The following SPTB variants were observed in gnomAD, a reference collection of about 807,000 sequenced individuals.
SPTB encodes spectrin beta chain, erythrocytic.
In SPTB, 45 loss-of-function variants were observed where a neutral mutation model predicts 256.2. The observed-to-expected ratio is 0.18, with a 90% CI of 0.14 to 0.23. The LOEUF (loss-of-function observed/expected upper bound fraction) is 0.23. Among genes scored for constraint, SPTB ranks in the 10% least tolerant of loss-of-function variants. The probability of loss-of-function intolerance (pLI) is 1.00; values close to 1 mark genes in which losing one functional copy is unlikely to be tolerated. For missense variants in SPTB, 2,715 were observed against 3,040.4 expected, an observed-to-expected ratio of 0.89 and a Z score of 2.52; for synonymous variants, 1,231 against 1,243.1, an observed-to-expected ratio of 0.99 and a Z score of 0.21.
rs894929658 is a variant in SPTB, at chr14:64,769,722, G to C, written c.5805C>G (p.Val1935=). 1 of 1,614,056 alleles carries C rather than the reference G, an allele frequency of 6.2e-7. No homozygotes were observed. The change falls in exon 28 of 36, where the codon GTC becomes GTG. Residue 1935 remains valine, a synonymous_variant. Coordinates refer to ENST00000644917, the MANE Select transcript of SPTB (RefSeq NM_001355436.2). ...ACTTCATGAGCAGTTCCACAGAGGA[G>C]ACATCCCTGGGGGACAGGAGGACAA... The part of the protein sequence containing the change: ...QIETQERPRD[V]SSVELLMKYH...
At chr14:64,808,541 T>C (rs433143) in intron 2 of SPTB, among the ~76,000 whole-genome samples, 64,648 of 151,870 alleles carry the variant, frequency 0.43, 14,938 homozygotes, top group African/African-American at 0.62. Context: ...TAAGTGAGTT[T>C]GTACATGGAA....
rs527424107 is a variant in SPTB at position 64,847,059 on chromosome 14, T to C, written c.-51-23914A>G. Among the ~76,000 whole-genome samples the C allele has an allele frequency of 1.3e-5, 2 of 152,306 alleles. No homozygotes were observed. Among genetic ancestry groups the C allele is most frequent in the Non-Finnish European group, 2.9e-5 (2 of 68,026 alleles). ...CCATCCTCATGTTTCTCAACAGTCATAAAAGCCCCTTGTCTATGTGTAGCT... is the reference window on the plus strand; with the variant it reads ...CCATCCTCATGTTTCTCAACAGTCACAAAAGCCCCTTGTCTATGTGTAGCT... On this transcript the variant is annotated intron_variant, in intron 1 of 35. Coordinates refer to ENST00000644917, the MANE Select transcript of SPTB (RefSeq NM_001355436.2). This position sits in a 1 kb window ranked among gnomAD's most constrained non-coding sequence, Gnocchi z 5.9.
Position 64,786,282 on chromosome 14 carries a change from G to A in SPTB, c.3561+122C>T, listed in dbSNP as rs2082566528. The stretch of plus-strand genomic sequence containing the variant: ...TGAGAAACAAAGATTTCCCCCATGA[G>A]TGAATACAGAGTACAAGACAAGAGT... On this transcript the variant is annotated intron_variant, in intron 16 of 35. Transcript: ENST00000644917. The surrounding 1 kb of genome is among the most constrained non-coding windows in gnomAD (Gnocchi z 5.6). The A allele has an allele frequency of 1.5e-6, 2 of 1,356,380 alleles. No homozygotes were observed. The highest frequency in any genetic ancestry group is 2.3e-5 in the East Asian group (1 of 43,732). The allele number at this position is 1,356,380 out of a possible 1,614,324, so 84.0% of individuals were successfully genotyped here. A position where few individuals can be genotyped will look rare whatever the true frequency, so the allele number is the denominator to read the frequency against.
intron 27 of SPTB, 53 bp from the exon 28 acceptor site, chr14:64,769,781 C>T (rs2082250584): frequency 2.5e-6 from 4 of 1,612,354 alleles, no homozygotes; most frequent in Non-Finnish European, 3.4e-6. Flanking sequence ...CTCTGGCCTG[C>T]CTCTGTGTCC....
At chr14:64,840,512 T>C (rs2066405709) in intron 1 of SPTB, among the ~76,000 whole-genome samples, 1 of 152,224 alleles carries the variant, frequency 6.6e-6, no homozygotes, top group Admixed American at 6.5e-5. Context: ...CCAGAAATCA[T>C]GTAAGATGCA....
At position 64,796,531 on chromosome 14, in the gene SPTB, G is replaced by A. The variant is rs775286309; in HGVS notation, c.1341+26C>T. 1.2e-6 allele frequency: 2 copies of A among 1,614,020 alleles called. No homozygotes were observed. The highest frequency in any genetic ancestry group is 4.5e-5 in the East Asian group (2 of 44,878). On this transcript the variant is annotated intron_variant, in intron 11 of 35. Transcript: ENST00000644917. The surrounding 1 kb of genome is among the most constrained non-coding windows in gnomAD (Gnocchi z 4.1). ...GGCTCTGAAGAATGTCCCCTCTCCT[G>A]TCACCCAAAGCATGTCCCTCATTAC...
chr14:64,796,419 C>T lies in SPTB; in HGVS notation c.1341+138G>A. The T allele has an allele frequency of 4.5e-6, 5 of 1,121,324 alleles. No homozygotes were observed. Among genetic ancestry groups the T allele is most frequent in the Non-Finnish European group, 5.3e-6 (4 of 754,982 alleles). 69.5% of individuals were successfully genotyped at this position (1,121,324 alleles called of 1,614,324 possible). A position where few individuals can be genotyped will look rare whatever the true frequency, so the allele number is the denominator to read the frequency against. Reference sequence around the variant, plus strand: ...CTCCTCCCCAGATGCAAATCTTGATCCACTGGATCACGGGGGAGCTGTGCT... The same window carrying T: ...CTCCTCCCCAGATGCAAATCTTGATTCACTGGATCACGGGGGAGCTGTGCT... On this transcript the variant is annotated intron_variant, in intron 11 of 35. Coordinates refer to ENST00000644917, the MANE Select transcript of SPTB (RefSeq NM_001355436.2). This position sits in a 1 kb window ranked among gnomAD's most constrained non-coding sequence, Gnocchi z 4.1.
In SPTB at chr14:64,803,706, C is replaced by T. The variant is rs2082931134; in HGVS notation, c.375G>A (p.Glu125=). The stretch of plus-strand genomic sequence containing the variant: ...CCATGTTCTCCAGGTGTACACGCTG[C>T]TCCTTGAGGAACTGGAGAGCCTTGT... The part of the protein sequence containing the change: ...NVDKALQFLK[E]QRVHLENMGS... Residue 125 remains glutamate, a synonymous_variant, in exon 4 of 36, where the codon GAG becomes GAA. Coordinates refer to ENST00000644917, the MANE Select transcript of SPTB (RefSeq NM_001355436.2). 6.2e-7 allele frequency: 1 copy of T among 1,614,178 alleles called. No individual in the cohort carries two copies. The highest frequency in any genetic ancestry group is 8.5e-7 in the Non-Finnish European group (1 of 1,180,016).
Position 64,793,876 on chromosome 14 carries a change from A to C in SPTB, c.1796-9T>G, listed in dbSNP as rs761091933. 7.6e-6 allele frequency: 12 copies of C among 1,589,380 alleles called. No individual in the cohort carries two copies. Among genetic ancestry groups the C allele is most frequent in the Non-Finnish European group, 9.4e-6 (11 of 1,171,754 alleles). ...GTCACAAGGCTGGTACCCTGGAAGA[A>C]ATAGGGGGAAGGAGGACAAAGTGGG... On this transcript the variant is annotated splice_polypyrimidine_tract_variant and intron_variant, in intron 13 of 35. Coordinates refer to ENST00000644917, the MANE Select transcript of SPTB (RefSeq NM_001355436.2). This position sits in a 1 kb window ranked among gnomAD's most constrained non-coding sequence, Gnocchi z 7.0.
In SPTB at chr14:64,753,649, C is replaced by T; in HGVS notation, c.6490G>A (p.Asp2164Asn). The part of the protein sequence containing the change: ...KVLDTPLSEG[D>N]EPATLPAPRD... ...GGGGCCGGCAGCGTTGCGGGCTCAT[C>T]ACCCTCGCTCAGAGGCGTATCTAGG... The change falls in exon 33 of 36, where the codon GAT becomes AAT. Residue 2164 changes from aspartate (D) to asparagine (N), a missense_variant. By Grantham distance (23) the Asp-to-Asn change is conservative. Around this residue, in one of 4 missense-constraint regions of SPTB, gnomAD observed 2,239 missense variants for 2,384.4 expected, o/e 0.94. Coordinates refer to ENST00000644917, the MANE Select transcript of SPTB (RefSeq NM_001355436.2). The T allele has an allele frequency of 6.2e-7, 1 of 1,613,740 alleles. No homozygotes were observed. Among genetic ancestry groups the T allele is most frequent in the Non-Finnish European group, 8.5e-7 (1 of 1,180,038 alleles).
At chr14:64,787,296 A>C in intron 15 of SPTB, 136 bp from the exon 16 acceptor site, 1 of 1,200,928 alleles carries the variant, frequency 8.3e-7, no homozygotes, top group Non-Finnish European at 1.2e-6. Context: ...AAGAAAAAAA[A>C]AAATCTACCT....
At position 64,865,640 on chromosome 14, in the gene SPTB, C is replaced by T. The variant is rs1360001578; in HGVS notation, c.-52+14152G>A. Among the ~76,000 whole-genome samples, 15 of 152,288 alleles carry T rather than the reference C, an allele frequency of 9.8e-5. No homozygotes were observed. In the East Asian group the frequency reaches 2.7e-3, roughly 27 times the overall value. On this transcript the variant is annotated intron_variant, in intron 1 of 35. Transcript: ENST00000644917. The stretch of plus-strand genomic sequence containing the variant: ...CTCTACCATGCACCCACTGGGCTCA[C>T]CAGCGACCATGGTAAGAAGGGCCTG...
chr14:64,779,928 C>G lies in SPTB; in HGVS notation c.4270G>C (p.Val1424Leu). The G allele has an allele frequency of 6.2e-7, 1 of 1,613,802 alleles. No homozygotes were observed. The highest frequency in any genetic ancestry group is 1.1e-5 in the South Asian group (1 of 91,078). ...VNRMLAKLKR[V>L]EDQVNVRKEE... ...TTTCGCACATTCACTTGGTCCTCCA[C>G]TCGCTGAGACACAAGGGGACGGTGT... Residue 1424 changes from valine (V) to leucine (L), a missense_variant, in exon 21 of 36, where the codon GTG becomes CTG. Transcript: ENST00000644917. This position sits in a 1 kb window ranked among gnomAD's most constrained non-coding sequence, Gnocchi z 4.2.
rs1036936614 is a variant in SPTB at position 64,777,405 on chromosome 14, G to A, written c.4563+1752C>T. ...ATGCAGCTAGGGGCCTACCCCCAGA[G>A]ATCCTAATTGATCTGAGGTGAGACC... is the stretch of plus-strand genomic sequence containing the variant. On this transcript the variant is annotated intron_variant, in intron 22 of 35. Transcript: ENST00000644917. The surrounding 1 kb of genome is among the most constrained non-coding windows in gnomAD (Gnocchi z 4.5). 6.6e-6 allele frequency among the ~76,000 whole-genome samples: 1 copy of A among 152,204 alleles called. No homozygotes were observed. The highest frequency in any genetic ancestry group is 1.5e-5 in the Non-Finnish European group (1 of 68,026).
In SPTB at chr14:64,786,092, A is replaced by C; in HGVS notation, c.3562-141T>G. The C allele has an allele frequency of 7.8e-6, 7 of 895,574 alleles. No individual in the cohort carries two copies. The highest frequency in any genetic ancestry group is 1.4e-5 in the South Asian group (1 of 69,966). 55.5% of individuals were successfully genotyped at this position (895,574 alleles called of 1,614,324 possible). A position where few individuals can be genotyped will look rare whatever the true frequency, so the allele number is the denominator to read the frequency against. On this transcript the variant is annotated intron_variant, in intron 16 of 35. Transcript: ENST00000644917. The surrounding 1 kb of genome is among the most constrained non-coding windows in gnomAD (Gnocchi z 5.6). ...TAGAGTAGTACAGGGAGGAGGCACT[A>C]CTCCCCAGGCCTTGCCCCCACCCCT...
At position 64,775,317 on chromosome 14, in the gene SPTB, G is replaced by T; in HGVS notation, c.4650C>A (p.Ile1550=). Residue 1550 remains isoleucine (I), a synonymous_variant, in exon 23 of 36, where the codon ATC becomes ATA. Transcript: ENST00000644917. The surrounding 1 kb of genome is among the most constrained non-coding windows in gnomAD (Gnocchi z 5.0). ...RGQQLVEAAE[I]DCQDLEERLG... is the part of the protein sequence containing the mutation. ...GGCGCTCCTCAAGGTCCTGGCAGTCGATCTCCGCCGCCTCCACCAGCTGCT... is the reference window on the plus strand; with the variant it reads ...GGCGCTCCTCAAGGTCCTGGCAGTCTATCTCCGCCGCCTCCACCAGCTGCT... The T allele has an allele frequency of 6.2e-7, 1 of 1,613,088 alleles. No individual in the cohort carries two copies. Among genetic ancestry groups the T allele is most frequent in the African/African-American group, 1.3e-5 (1 of 75,018 alleles).
chr14:64,861,777 C>T (rs1005721709), intron 1 of SPTB, among the ~76,000 whole-genome samples: 4 of 152,206 alleles, frequency 2.6e-5, no homozygotes, highest in Admixed American at 6.5e-5. Context: ...CATGCCTCCA[C>T]GAAAATTGCT....
intron 8 of SPTB, among the ~76,000 whole-genome samples, chr14:64,800,136 T>C (rs1194028512): frequency 6.6e-6 from 1 of 152,248 alleles, no homozygotes; most frequent in Non-Finnish European, 1.5e-5. Flanking sequence ...GGCCCTCCTC[T>C]TGCCAATCGG....
intron 32 of SPTB, 177 bp from the exon 33 acceptor site, chr14:64,753,970 T>C: frequency 1.3e-6 from 1 of 784,740 alleles, no homozygotes; most frequent in South Asian, 1.5e-5. Context: ...GGTGCCCCCT[T>C]GCTTCTCTAC....
Sources: gnomAD v4.1 joint callset for allele counts (sites outside exome capture counted in the v4.1 genomes callset) on GRCh38, gnomAD v4.1.1 for gene constraint, gnomAD v4.1.1 regional missense constraint, Gnocchi (gnomAD v3.1) non-coding constraint, MANE v1.5 for transcripts, NCBI Gene and HGNC (gene_info 2026-07-23, HGNC 2026-07-21) for gene names.